KCNQ5: variants seen among roughly 807,000 people sequenced by gnomAD.
KCNQ5 encodes potassium voltage-gated channel subfamily KQT member 5.
KCNQ5 carries 30 observed loss-of-function variants against 98.2 expected under a neutral mutation model. That is an observed-to-expected ratio of 0.31 (90% CI 0.23 to 0.41). The LOEUF is 0.41. KCNQ5 is among the 10% of genes least tolerant of loss of function. The pLI is 1.00. For synonymous variants in KCNQ5, 458 were observed against 449.4 expected (o/e 1.02, Z -0.24); for missense variants, 835 against 1,182.5 (o/e 0.71, Z 4.31).
chr6:72,687,538 G>A (rs1350803677), intron 1 of KCNQ5, among the ~76,000 whole-genome samples: 1 of 152,166 alleles, frequency 6.6e-6, no homozygotes, highest in Admixed American at 6.5e-5. Flanking sequence ...AGTGCTCCAA[G>A]AAGTTCAGAA....
chr6:73,016,224 G>A (rs1340363552), intron 2 of KCNQ5, among the ~76,000 whole-genome samples: 4 of 152,086 alleles, frequency 2.6e-5, no homozygotes, highest in Admixed American at 6.6e-5. Flanking sequence ...ATGGAATGAG[G>A]CGATGAGGCA....
At chr6:73,184,812 C>T (rs764402787) in intron 11 of KCNQ5, among the ~76,000 whole-genome samples, 21 of 152,178 alleles carry the variant, frequency 1.4e-4, no homozygotes, top group Non-Finnish European at 2.9e-4. Context: ...TGAATGAGCA[C>T]TTTGGTGACA....
Position 72,622,834 on chromosome 6 carries a change from C to G in KCNQ5, c.398+247C>G, listed in dbSNP as rs1431345619. Among the ~76,000 whole-genome samples the G allele has an allele frequency of 1.3e-5, 2 of 152,168 alleles. No individual in the cohort carries two copies. The highest frequency in any genetic ancestry group is 4.8e-5 in the African/African-American group (2 of 41,452). The stretch of plus-strand genomic sequence containing the variant: ...ATGAACTGCCCGGTAGCTTCAGGCT[C>G]CCGGGGCGAGAGCCAGGCAGACGCG... On this transcript the variant is annotated intron_variant, in intron 1 of 13. Transcript: ENST00000370398. This position sits in a 1 kb window ranked among gnomAD's most constrained non-coding sequence, Gnocchi z 6.0.
chr6:72,852,640 A>AATAAATAAATAAATATAT (rs1026407821), intron 1 of KCNQ5, among the ~76,000 whole-genome samples: 1 of 56,802 alleles, frequency 1.8e-5, no homozygotes. Context: ...ATGAAGGGGA[A>AATAAATAAATAAATATAT]ATATATATAT....
chr6:72,800,307 G>A (rs970743627), intron 1 of KCNQ5, among the ~76,000 whole-genome samples: 1 of 152,210 alleles, frequency 6.6e-6, no homozygotes, highest in Non-Finnish European at 1.5e-5. Context: ...TTCAGAGCCT[G>A]TTATTGGTCT....
At chr6:73,134,045 G>A in intron 10 of KCNQ5, 2 of 469,306 alleles carry the variant, frequency 4.3e-6, no homozygotes, top group South Asian at 3.1e-5. Flanking sequence ...ACACAGTAAG[G>A]AGGATGATCA....
chr6:72,937,505 G>A (rs961169881), intron 1 of KCNQ5, among the ~76,000 whole-genome samples: 11 of 152,132 alleles, frequency 7.2e-5, no homozygotes, highest in African/African-American at 2.7e-4. Flanking sequence ...TTTTGATCAA[G>A]TTAAAGTATG....
intron 10 of KCNQ5, among the ~76,000 whole-genome samples, chr6:73,168,522 G>A (rs1163771712): frequency 6.6e-6 from 1 of 152,112 alleles, no homozygotes; most frequent in Non-Finnish European, 1.5e-5. Flanking sequence ...GGCCAACATG[G>A]TGAAACCCCG....
At chr6:73,123,987 T>C (rs1251164313) in intron 8 of KCNQ5, among the ~76,000 whole-genome samples, 2 of 152,186 alleles carry the variant, frequency 1.3e-5, no homozygotes, top group Non-Finnish European at 2.9e-5. Context: ...AGAGTTTTGG[T>C]AAATATTCTA....
intron 1 of KCNQ5, among the ~76,000 whole-genome samples, chr6:72,726,271 C>T (rs899352855): frequency 2.0e-5 from 3 of 147,984 alleles, no homozygotes; most frequent in Admixed American, 6.8e-5. Flanking sequence ...AGTGCAGTGG[C>T]GCGATCTCGG....
At chr6:73,145,996 A>G (rs561835823) in intron 10 of KCNQ5, among the ~76,000 whole-genome samples, 93 of 152,222 alleles carry the variant, frequency 6.1e-4, no homozygotes, top group African/African-American at 2.1e-3. Context: ...ATCCACCCCC[A>G]TGATCCATTC....
intron 3 of KCNQ5, among the ~76,000 whole-genome samples, chr6:73,048,182 G>A (rs1772055151): frequency 6.6e-6 from 1 of 152,164 alleles, no homozygotes; most frequent in Non-Finnish European, 1.5e-5. Context: ...AAAACAGAAA[G>A]AGTAGAGGCT....
intron 1 of KCNQ5, among the ~76,000 whole-genome samples, chr6:72,873,421 A>C (rs774216775): frequency 4.6e-5 from 7 of 152,136 alleles, no homozygotes; most frequent in Non-Finnish European, 7.4e-5. Context: ...AATCCCAGTA[A>C]GTAAAGCAGT....
intron 1 of KCNQ5, among the ~76,000 whole-genome samples, chr6:72,630,002 G>A (rs1277759691): frequency 6.6e-6 from 1 of 152,116 alleles, no homozygotes; most frequent in East Asian, 1.9e-4. Context: ...CTTAAAAATA[G>A]CTTGAAGTTT....
chr6:73,072,752 AC>A (rs1773352189), intron 3 of KCNQ5, among the ~76,000 whole-genome samples: 1 of 152,176 alleles, frequency 6.6e-6, no homozygotes, highest in African/African-American at 2.4e-5. Context: ...AAATTAGTGA[AC>A]CTACTTCCTA....
chr6:72,702,447 T>C (rs1768861196), intron 1 of KCNQ5, among the ~76,000 whole-genome samples: 1 of 151,766 alleles, frequency 6.6e-6, no homozygotes, highest in Non-Finnish European at 1.5e-5. Flanking sequence ...TATGAAAAGG[T>C]TTAGGAAACA....
At chr6:72,863,432 C>T (rs912421745) in intron 1 of KCNQ5, among the ~76,000 whole-genome samples, 2 of 152,144 alleles carry the variant, frequency 1.3e-5, no homozygotes, top group Admixed American at 6.6e-5. Context: ...TAACTCATTC[C>T]TAAGATTTCC....
At chr6:72,705,268 C>T (rs768347561) in intron 1 of KCNQ5, among the ~76,000 whole-genome samples, 18 of 152,116 alleles carry the variant, frequency 1.2e-4, no homozygotes, top group Admixed American at 2.6e-4. Flanking sequence ...GAATTCACTG[C>T]GTGTCTGTCA....
chr6:73,145,651 A>T (rs1776891569), intron 10 of KCNQ5, among the ~76,000 whole-genome samples: 1 of 152,156 alleles, frequency 6.6e-6, no homozygotes, highest in Non-Finnish European at 1.5e-5. Context: ...AGTCCAGATG[A>T]TTTTGGGGTT....
Sources: allele counts gnomAD v4.1 joint callset (sites outside exome capture counted in the v4.1 genomes callset), GRCh38; gene constraint gnomAD v4.1.1; non-coding constraint Gnocchi (gnomAD v3.1); transcripts MANE v1.5; gene names NCBI Gene and HGNC (gene_info 2026-07-23, HGNC 2026-07-21).